RMC1: variants seen among roughly 807,000 people sequenced by gnomAD.
The protein encoded by RMC1 is regulator of MON1-CCZ1 complex.
Under a neutral mutation model 95.5 loss-of-function variants are expected in RMC1, and 44 were observed. The observed-to-expected ratio is 0.46, with a 90% CI of 0.36 to 0.59. The LOEUF is 0.59. Ranked by LOEUF, RMC1 falls within the 20% of genes least tolerant of loss-of-function variation. The pLI is 0.00. For missense variants in RMC1, 705 were observed against 819.6 expected (o/e 0.86, Z 1.71); for synonymous variants, 320 against 303.6 (o/e 1.05, Z -0.56).
Position 23,503,525 on chromosome 18 carries a change from A to C in RMC1, c.-94A>C, listed in dbSNP as rs1271180484. ...GCGCCGGGCCCAGAGCCGCAGCCGC[A>C]GCCGCCGCTACAGTCCGGGCCGGGC... is the stretch of plus-strand genomic sequence containing the variant. On this transcript the variant is annotated 5_prime_UTR_variant, in exon 1 of 20. Coordinates refer to ENST00000269221, the MANE Select transcript of RMC1 (RefSeq NM_013326.5). 5.0e-6 allele frequency: 4 copies of C among 801,862 alleles called. No individual in the cohort carries two copies. The East Asian group carries it at 1.1e-4, about 23-fold the overall frequency. The allele number at this position is 801,862 out of a possible 1,614,324, so 49.7% of individuals were successfully genotyped here.
At chr18:23,526,590 T>G in intron 12 of RMC1, 47 bp from the exon 13 acceptor site, 1 of 1,593,974 alleles carries the variant, frequency 6.3e-7, no homozygotes, top group South Asian at 1.1e-5. Context: ...TGGGCTTTTG[T>G]TACGGTTTGC....
chr18:23,520,349 T>C (rs773949338), intron 10 of RMC1, 36 bp downstream of exon 10: 2 of 1,502,230 alleles, frequency 1.3e-6, no homozygotes, highest in Admixed American at 1.7e-5. Flanking sequence ...TGTGCTGCCC[T>C]TTCACCATGT....
intron 2 of RMC1, among the ~76,000 whole-genome samples, chr18:23,504,945 G>A (rs2057676580): frequency 6.6e-6 from 1 of 152,174 alleles, no homozygotes; most frequent in African/African-American, 2.4e-5. Context: ...GTCTCGATTT[G>A]GATGATAAGC....
chr18:23,513,896 G>A (rs1008990153), intron 5 of RMC1, among the ~76,000 whole-genome samples: 1 of 152,138 alleles, frequency 6.6e-6, no homozygotes, highest in African/African-American at 2.4e-5. Context: ...TTGTTGAATT[G>A]TAGTTCTTTA....
chr18:23,508,095 T>C, intron 4 of RMC1, 54 bp downstream of exon 4: 1 of 1,521,130 alleles, frequency 6.6e-7, no homozygotes, highest in Non-Finnish European at 8.9e-7. Context: ...TGAGCTGGGT[T>C]ATGTAGTGGA....
In RMC1 at chr18:23,508,007, A is replaced by G; in HGVS notation, c.287A>G (p.Asp96Gly). 6.2e-7 allele frequency: 1 copy of G among 1,611,220 alleles called. No homozygotes were observed. The highest frequency in any genetic ancestry group is 8.5e-7 in the Non-Finnish European group (1 of 1,178,930). The change falls in exon 4 of 20, where the codon GAT (aspartate) becomes GGT (glycine). Residue 96 changes from aspartate to glycine, a missense_variant. Physicochemically the swap from Asp to Gly is moderately conservative, Grantham distance 94 (BLOSUM62 -1). Transcript: ENST00000269221. The stretch of plus-strand genomic sequence containing the variant: ...CAGGATTTTTGTAATTTTATCCCTG[A>G]TAATTCCCAGCTGGAATACACACAG... ...KTVDFCNFIP[D>G]NSQLEYTQEC...
chr18:23,514,776 A>G (rs1174336630), intron 5 of RMC1, among the ~76,000 whole-genome samples: 1 of 152,166 alleles, frequency 6.6e-6, no homozygotes, highest in East Asian at 1.9e-4. Flanking sequence ...TCAGATCTTC[A>G]AGAAAAAAGT....
chr18:23,516,073 C>A, intron 6 of RMC1, 77 bp downstream of exon 6: 2 of 1,595,346 alleles, frequency 1.3e-6, no homozygotes, highest in Admixed American at 1.7e-5. Context: ...ATGTGTCAGG[C>A]ACGTTAGGGA....
rs2058083094 is a variant in RMC1, at chr18:23,519,171, A to G, written c.846A>G (p.Thr282=). 6.2e-7 allele frequency: 1 copy of G among 1,613,344 alleles called. No individual in the cohort carries two copies. Reference sequence around the variant, plus strand: ...TGGTAGTCGTGCATCATCAGGATACAGAGGTACAAGCTGTCTGCGTTTCTA... The same window carrying G: ...TGGTAGTCGTGCATCATCAGGATACGGAGGTACAAGCTGTCTGCGTTTCTA... ...DNLVVVHHQD[T]ETSVIFDIKL... Residue 282 remains threonine (T), a synonymous_variant, in exon 9 of 20, where the codon ACA becomes ACG. Coordinates refer to ENST00000269221, the MANE Select transcript of RMC1 (RefSeq NM_013326.5).
chr18:23,516,614 T>C (rs2058012573), intron 7 of RMC1, among the ~76,000 whole-genome samples, 191 bp downstream of exon 7: 1 of 152,262 alleles, frequency 6.6e-6, no homozygotes, highest in Non-Finnish European at 1.5e-5. Context: ...GCATTCCTTT[T>C]TGATTTTTAT....
intron 14 of RMC1, chr18:23,528,364 G>C (rs1006542574): frequency 6.4e-6 from 1 of 156,212 alleles, no homozygotes; most frequent in African/African-American, 2.4e-5. Context: ...AGGCGTGTTT[G>C]TAGTCAAGGT....
intron 2 of RMC1, chr18:23,504,686 C>T (rs1412599510): frequency 2.3e-5 from 9 of 385,956 alleles, no homozygotes; most frequent in Admixed American, 1.5e-4. Context: ...GTGGGGCAGC[C>T]ACTTCCTAGC....
At chr18:23,512,953 A>C (rs1388524375) in intron 5 of RMC1, among the ~76,000 whole-genome samples, 1 of 151,604 alleles carries the variant, frequency 6.6e-6, no homozygotes, top group Non-Finnish European at 1.5e-5. Flanking sequence ...GTTTCTATGA[A>C]TTTGACTCCT....
chr18:23,503,921 A>G (rs1355482069), intron 1 of RMC1, among the ~76,000 whole-genome samples: 1 of 150,084 alleles, frequency 6.7e-6, no homozygotes, highest in Non-Finnish European at 1.5e-5. Flanking sequence ...TCGGGGCTGG[A>G]CCCCCGAGCC....
Position 23,527,899 on chromosome 18 carries a change from A to G in RMC1, c.1294A>G (p.Met432Val). Reference sequence around the variant, plus strand: ...CCTGGATGCCGAGCAGAGTTATGCGATGGTGAGTTACATGGAGTATGACAA... The same window carrying G: ...CCTGGATGCCGAGCAGAGTTATGCGGTGGTGAGTTACATGGAGTATGACAA... ...KYLDAEQSYA[M>V]AVEAGQSRSS... The change falls in exon 14 of 20, where the codon ATG (methionine) becomes GTG (valine). Residue 432 changes from methionine (M) to valine (V), a missense_variant and splice_region_variant. Coordinates refer to ENST00000269221, the MANE Select transcript of RMC1 (RefSeq NM_013326.5). The G allele has an allele frequency of 2.5e-6, 4 of 1,612,824 alleles. No individual in the cohort carries two copies. Among genetic ancestry groups the G allele is most frequent in the African/African-American group, 1.3e-5 (1 of 75,024 alleles).
intron 10 of RMC1, among the ~76,000 whole-genome samples, chr18:23,523,731 A>G (rs2058212530): frequency 1.3e-5 from 2 of 152,080 alleles, no homozygotes; most frequent in Non-Finnish European, 2.9e-5. Context: ...TAAAGAAAAA[A>G]AAAGATAATT....
chr18:23,525,299 G>A (rs572331217), intron 12 of RMC1, among the ~76,000 whole-genome samples: 1 of 152,168 alleles, frequency 6.6e-6, no homozygotes, highest in South Asian at 2.1e-4. Context: ...CCAGCCTGGA[G>A]TGCAGTAGTG....
At chr18:23,528,169 T>C (rs1177736303) in intron 14 of RMC1, 1 of 334,314 alleles carries the variant, frequency 3.0e-6, no homozygotes, top group African/African-American at 2.1e-5. Flanking sequence ...TGCCTGTAGA[T>C]CCTTGGTCTA....
chr18:23,520,362 C>A, intron 10 of RMC1, 49 bp downstream of exon 10: 1 of 1,426,588 alleles, frequency 7.0e-7, no homozygotes, highest in Admixed American at 1.8e-5. Flanking sequence ...CACCATGTGG[C>A]TGTGTTCTCA....
Sources: allele counts gnomAD v4.1 joint callset (sites outside exome capture counted in the v4.1 genomes callset), GRCh38; gene constraint gnomAD v4.1.1; transcripts MANE v1.5; gene names NCBI Gene and HGNC (gene_info 2026-07-23, HGNC 2026-07-21).